ERAP1: variants seen among roughly 807,000 people sequenced by gnomAD.
The protein encoded by ERAP1 is endoplasmic reticulum aminopeptidase 1.
Under a neutral mutation model 103.7 loss-of-function variants are expected in ERAP1, and 86 were observed. The ratio of observed to expected loss-of-function variants is 0.83; its 90% CI spans 0.70 to 0.99. ERAP1 has a LOEUF of 0.99. ERAP1 is among the 50% of genes least tolerant of loss of function. The pLI, the probability that ERAP1 is intolerant of heterozygous loss-of-function variation, is 0.00. For missense variants in ERAP1, 1,009 were observed against 1,128.4 expected (o/e 0.89, Z 1.52); for synonymous variants, 398 against 402.4 (o/e 0.99, Z 0.13).
chr5:96,917,519 A>C, the ERAP1 span: 4 of 1,613,832 alleles, frequency 2.5e-6, no homozygotes, highest in Admixed American at 6.7e-5. Flanking sequence ...TATTTTTCAA[A>C]CTGTTCTGGA....
the ERAP1 span, among the ~76,000 whole-genome samples, chr5:96,866,242 CT>C: frequency 1.3e-5 from 2 of 152,174 alleles, no homozygotes; most frequent in Non-Finnish European, 1.5e-5. Flanking sequence ...TTCTCTTCCC[CT>C]TCCTAAGTGT....
At chr5:96,885,112 T>C in the ERAP1 span, among the ~76,000 whole-genome samples, 7 of 152,182 alleles carry the variant, frequency 4.6e-5, no homozygotes, top group Non-Finnish European at 7.3e-5. Flanking sequence ...GGATAAACCA[T>C]AGCAAACGCC....
At chr5:96,767,389 A>G in intron 19 of ERAP1, 1 of 1,502,546 alleles carries the variant, frequency 6.7e-7, no homozygotes, top group Non-Finnish European at 9.3e-7. Flanking sequence ...AACCTAAGTA[A>G]ACCTTTACAG....
the ERAP1 span, among the ~76,000 whole-genome samples, chr5:96,874,764 T>C: frequency 6.6e-6 from 1 of 152,214 alleles, no homozygotes; most frequent in Non-Finnish European, 1.5e-5. Flanking sequence ...TTAACTAGGA[T>C]CTAATCATGG....
chr5:96,837,524 G>A, the ERAP1 span, among the ~76,000 whole-genome samples: 1 of 152,220 alleles, frequency 6.6e-6, no homozygotes, highest in Non-Finnish European at 1.5e-5. Flanking sequence ...GACGGGGAGC[G>A]CAGGTGGGTG....
At chr5:96,885,940 A>G in the ERAP1 span, among the ~76,000 whole-genome samples, 6 of 152,364 alleles carry the variant, frequency 3.9e-5, no homozygotes, top group South Asian at 1.2e-3. Context: ...ACAGAAGCTT[A>G]AATTACTAAT....
the ERAP1 span, among the ~76,000 whole-genome samples, chr5:96,899,036 G>A: frequency 6.6e-6 from 1 of 152,104 alleles, no homozygotes. Context: ...AAGAAAATTT[G>A]GCCAGCAATT....
chr5:96,810,203 C>T (rs949833342), upstream of ERAP1, among the ~76,000 whole-genome samples: 31 of 152,318 alleles, frequency 2.0e-4, no homozygotes, highest in African/African-American at 7.2e-4. Context: ...GCAGCATTCA[C>T]TTCTAGTTTC....
chr5:96,888,241 T>C, the ERAP1 span, among the ~76,000 whole-genome samples: 13 of 152,332 alleles, frequency 8.5e-5, no homozygotes, highest in East Asian at 2.5e-3. Context: ...ATATGAGTTG[T>C]GTAGCACACA....
the ERAP1 span, among the ~76,000 whole-genome samples, chr5:96,887,214 A>G: frequency 6.6e-6 from 1 of 151,624 alleles, no homozygotes; most frequent in Non-Finnish European, 1.5e-5. Flanking sequence ...ATGTCATTTA[A>G]AATTTTAAAT....
chr5:96,777,898 A>G lies in ERAP1; in HGVS notation c.2671-1347T>C, dbSNP rs866607435. Among the ~76,000 whole-genome samples the G allele has an allele frequency of 2.6e-5, 4 of 152,214 alleles. No individual in the cohort carries two copies. In the South Asian group the frequency reaches 8.3e-4, roughly 32 times the overall value. The stretch of plus-strand genomic sequence containing the variant: ...AACATCTCCACTGAATATTTGATTC[A>G]GACTTGGCTCTTTAAGAACAATTTC... On this transcript the variant is annotated intron_variant, in intron 18 of 18. Transcript: ENST00000443439.
chr5:96,917,923 A>AAG, the ERAP1 span: 1 of 159,592 alleles, frequency 6.3e-6, no homozygotes. Flanking sequence ...AAAAAAAAAA[A>AAG]AAAAAGAAAA....
intron 7 of ERAP1, 39 bp downstream of exon 7, chr5:96,793,361 C>T (rs1225810938): frequency 2.1e-6 from 3 of 1,421,890 alleles, no homozygotes; most frequent in African/African-American, 2.8e-5. Flanking sequence ...AACAAAACAA[C>T]AAATTAACCT....
At chr5:96,919,836 T>C in the ERAP1 span, 4 of 152,270 alleles carry the variant, frequency 2.6e-5, no homozygotes, top group African/African-American at 7.2e-5. Flanking sequence ...AAAAGTTATA[T>C]GCAAGATCAT....
chr5:96,896,303 C>A, the ERAP1 span: 1 of 1,253,644 alleles, frequency 8.0e-7, no homozygotes, highest in Non-Finnish European at 1.1e-6. Context: ...CTTACTAAAC[C>A]TACTATGTTT....
At chr5:96,832,172 G>T in the ERAP1 span, among the ~76,000 whole-genome samples, 1 of 152,148 alleles carries the variant, frequency 6.6e-6, no homozygotes, top group East Asian at 1.9e-4. Context: ...TACAGAAACA[G>T]ACTCACTATA....
At chr5:96,873,565 T>G in the ERAP1 span, 1 of 439,924 alleles carries the variant, frequency 2.3e-6, no homozygotes, top group Non-Finnish European at 4.6e-6. Context: ...CCATAGACAC[T>G]CTAGGTCAAT....
chr5:96,882,038 G>A, the ERAP1 span, among the ~76,000 whole-genome samples: 3 of 152,108 alleles, frequency 2.0e-5, no homozygotes, highest in African/African-American at 7.2e-5. Context: ...CCCCACTTGG[G>A]TGCTCACTGC....
the ERAP1 span, among the ~76,000 whole-genome samples, chr5:96,842,123 C>A: frequency 6.6e-6 from 1 of 152,086 alleles, no homozygotes; most frequent in Non-Finnish European, 1.5e-5. Flanking sequence ...TATTTCATTC[C>A]TTTTTATGGC....
Sources: gnomAD v4.1 joint callset for allele counts (sites outside exome capture counted in the v4.1 genomes callset) on GRCh38, gnomAD v4.1.1 for gene constraint, MANE v1.5 for transcripts, NCBI Gene and HGNC (gene_info 2026-07-23, HGNC 2026-07-21) for gene names.